Variants in ARHGAP32 observed in about 807,000 individuals in gnomAD.
The protein encoded by ARHGAP32 is Rho GTPase activating protein 32, also known as rho GTPase-activating protein 32.
ARHGAP32 carries 51 observed loss-of-function variants against 186.5 expected under a neutral mutation model. That is an observed-to-expected ratio of 0.27 (90% CI 0.22 to 0.35). The LOEUF is 0.35. ARHGAP32 is among the 10% of genes least tolerant of loss of function. The pLI is 1.00. For missense variants in ARHGAP32, 2,186 were observed against 2,623.5 expected, an observed-to-expected ratio of 0.83 and a Z score of 3.64; for synonymous variants, 950 against 964.3, an observed-to-expected ratio of 0.99 and a Z score of 0.27.
At chr11:129,125,483 TA>T (rs1942638787) in intron 2 of ARHGAP32, among the ~76,000 whole-genome samples, 1 of 152,080 alleles carries the variant, frequency 6.6e-6, no homozygotes, top group South Asian at 2.1e-4. Context: ...ATATCTATTT[TA>T]AAAATAAATT....
At chr11:129,236,135 G>A (rs554927906) in intron 1 of ARHGAP32, among the ~76,000 whole-genome samples, 1 of 152,246 alleles carries the variant, frequency 6.6e-6, no homozygotes, top group African/African-American at 2.4e-5. Flanking sequence ...AGTTCTTTAA[G>A]GAATCTCCAC....
At chr11:129,024,973 T>G (rs1295975811) in intron 11 of ARHGAP32, among the ~76,000 whole-genome samples, 2 of 152,236 alleles carry the variant, frequency 1.3e-5, no homozygotes, top group South Asian at 4.1e-4. Context: ...CAATTATGTA[T>G]TTATTGAAGA....
At chr11:129,068,527 CAT>C (rs1339231982) in intron 6 of ARHGAP32, among the ~76,000 whole-genome samples, 2 of 152,040 alleles carry the variant, frequency 1.3e-5, no homozygotes, top group African/African-American at 4.8e-5. Context: ...CCAACAGTAG[CAT>C]ATGAGTTCCC....
chr11:129,146,697 C>T (rs982109765), intron 2 of ARHGAP32, among the ~76,000 whole-genome samples: 1 of 151,852 alleles, frequency 6.6e-6, no homozygotes, highest in Admixed American at 6.6e-5. Context: ...AGGTTTTTAC[C>T]ATTGTTTTGA....
Position 128,969,361 on chromosome 11 carries a change from A to G in ARHGAP32, c.5852T>C (p.Leu1951Pro). 1.2e-6 allele frequency: 2 copies of G among 1,614,220 alleles called. No individual in the cohort carries two copies. Among genetic ancestry groups the G allele is most frequent in the Middle Eastern group, 1.6e-4 (1 of 6,062 alleles). ...YAASGQESLR[L>P]NHKEVRLSKE... is the part of the protein sequence containing the mutation. ...GGAGAGCCTTACCTCTTTGTGGTTC[A>G]GTCTTAAAGATTCTTGCCCGGATGC... The change falls in exon 23 of 23, where the codon CTG (leucine) becomes CCG (proline). Residue 1951 changes from leucine (L) to proline (P), a missense_variant. By Grantham distance (98) the Leu-to-Pro change is moderately conservative. Around this residue, in one of 5 missense-constraint regions of ARHGAP32, gnomAD observed 1,502 missense variants for 1,570.0 expected, o/e 0.96. Coordinates refer to ENST00000682385, the MANE Select transcript of ARHGAP32 (RefSeq NM_001378024.1). This position sits in a 1 kb window ranked among gnomAD's most constrained non-coding sequence, Gnocchi z 4.8.
intron 1 of ARHGAP32, among the ~76,000 whole-genome samples, chr11:129,260,227 T>C (rs1427316967): frequency 6.6e-6 from 1 of 152,198 alleles, no homozygotes; most frequent in African/African-American, 2.4e-5. Context: ...TAAAACAATT[T>C]GTTTACGTGG....
chr11:129,099,286 T>G (rs1170349957), intron 5 of ARHGAP32, among the ~76,000 whole-genome samples: 1 of 152,156 alleles, frequency 6.6e-6, no homozygotes, highest in African/African-American at 2.4e-5. Flanking sequence ...AAAACCACAT[T>G]CTTACTGTAC....
chr11:129,139,449 A>G (rs1943003588), intron 2 of ARHGAP32, among the ~76,000 whole-genome samples: 1 of 152,196 alleles, frequency 6.6e-6, no homozygotes, highest in Non-Finnish European at 1.5e-5. Flanking sequence ...TGTAATTTCC[A>G]TTGACAAATG....
At chr11:129,022,578 A>T (rs1938642563) in intron 11 of ARHGAP32, among the ~76,000 whole-genome samples, 1 of 152,196 alleles carries the variant, frequency 6.6e-6, no homozygotes, top group South Asian at 2.1e-4. Flanking sequence ...AATGACCCTA[A>T]CAACAGCTCT....
chr11:129,060,180 A>C (rs1262664066), intron 10 of ARHGAP32, among the ~76,000 whole-genome samples: 1 of 152,212 alleles, frequency 6.6e-6, no homozygotes, highest in Non-Finnish European at 1.5e-5. Flanking sequence ...CTTAGCACAC[A>C]ATCAGTACTG....
intron 11 of ARHGAP32, among the ~76,000 whole-genome samples, chr11:129,008,413 T>C (rs765500848): frequency 2.6e-5 from 4 of 152,180 alleles, no homozygotes; most frequent in South Asian, 2.1e-4. Flanking sequence ...ATGGCCTAGA[T>C]AGAACACTAG....
chr11:129,072,991 G>C (rs1940917603), intron 6 of ARHGAP32, among the ~76,000 whole-genome samples: 1 of 152,122 alleles, frequency 6.6e-6, no homozygotes. Flanking sequence ...GCCCACTCCA[G>C]TCATCGTGTC....
upstream of ARHGAP32, among the ~76,000 whole-genome samples, chr11:129,194,952 G>GA (rs986404568): frequency 2.8e-5 from 4 of 144,226 alleles, no homozygotes; most frequent in African/African-American, 7.6e-5. Flanking sequence ...TTTTTGTGGG[G>GA]GGGGGGGTTG....
At chr11:129,097,992 G>C (rs1012983868) in intron 5 of ARHGAP32, among the ~76,000 whole-genome samples, 1 of 152,078 alleles carries the variant, frequency 6.6e-6, no homozygotes, top group Non-Finnish European at 1.5e-5. Context: ...AAACTTTAAA[G>C]GTCAAAAAAC....
intron 5 of ARHGAP32, among the ~76,000 whole-genome samples, chr11:129,122,037 G>T (rs1256610574): frequency 1.3e-5 from 2 of 152,058 alleles, no homozygotes. Context: ...AACCAAAGAG[G>T]CTAAGCTACT....
chr11:129,229,894 C>A (rs2135633235), intron 1 of ARHGAP32, among the ~76,000 whole-genome samples: 1 of 152,178 alleles, frequency 6.6e-6, no homozygotes, highest in East Asian at 1.9e-4. Flanking sequence ...CCCCTCACTG[C>A]AGCCTCAACC....
At chr11:129,261,229 TA>T (rs1945317224) in intron 1 of ARHGAP32, among the ~76,000 whole-genome samples, 2 of 151,884 alleles carry the variant, frequency 1.3e-5, no homozygotes, top group South Asian at 4.2e-4. Flanking sequence ...TTAGGTTAAA[TA>T]AAAGAAAAAT....
At chr11:129,088,377 C>T (rs774444481) in intron 6 of ARHGAP32, among the ~76,000 whole-genome samples, 1 of 151,882 alleles carries the variant, frequency 6.6e-6, no homozygotes, top group Non-Finnish European at 1.5e-5. Flanking sequence ...GTCAGGAGTT[C>T]AAGACCATCT....
At chr11:129,142,557 C>T (rs935428304) in intron 2 of ARHGAP32, among the ~76,000 whole-genome samples, 1 of 152,018 alleles carries the variant, frequency 6.6e-6, no homozygotes, top group Non-Finnish European at 1.5e-5. Context: ...AACTACTAAT[C>T]AAAATGAGTA....
Sources: gnomAD v4.1 joint callset for allele counts (sites outside exome capture counted in the v4.1 genomes callset) on GRCh38, gnomAD v4.1.1 for gene constraint, gnomAD v4.1.1 regional missense constraint, Gnocchi (gnomAD v3.1) non-coding constraint, MANE v1.5 for transcripts, NCBI Gene and HGNC (gene_info 2026-07-23, HGNC 2026-07-21) for gene names.